Variants in PLGRKT observed in about 807,000 individuals in gnomAD.
PLGRKT encodes the protein plasminogen receptor (KT).
A neutral mutation model predicts 18.5 loss-of-function variants in PLGRKT; 22 were observed. That is an observed-to-expected ratio of 1.19 (90% CI 0.85 to 1.70). The LOEUF (loss-of-function observed/expected upper bound fraction) is 1.70, where lower values mean the gene tolerates loss of function less well. Among genes scored for constraint, PLGRKT ranks in the 40% most tolerant of loss-of-function variants. The probability of loss-of-function intolerance (pLI) is 0.00; values close to 1 mark genes in which losing one functional copy is unlikely to be tolerated. For synonymous variants in PLGRKT, 72 were observed against 52.8 expected (o/e 1.36, Z -1.58); for missense variants, 235 against 174.4 (o/e 1.35, Z -1.96).
At chr9:5,402,417 T>C (rs1226525949) in intron 3 of PLGRKT, among the ~76,000 whole-genome samples, 1 of 151,888 alleles carries the variant, frequency 6.6e-6, no homozygotes, top group Non-Finnish European at 1.5e-5. Context: ...CAGCAACAGA[T>C]GGAGCTATTG....
chr9:5,418,491 G>C lies in PLGRKT; in HGVS notation c.81+13406C>G. Reference sequence around the variant, plus strand: ...CAGTGCACACCCTCAACCACATGGAGCTTTTCACCATGCCCCGCCTGTCCT... The same window carrying C: ...CAGTGCACACCCTCAACCACATGGACCTTTTCACCATGCCCCGCCTGTCCT... On this transcript the variant is annotated intron_variant, in intron 3 of 5. Coordinates refer to ENST00000223864, the MANE Select transcript of PLGRKT (RefSeq NM_018465.4). The surrounding 1 kb of genome is among the most constrained non-coding windows in gnomAD (Gnocchi z 4.2). The C allele has an allele frequency of 9.0e-7, 1 of 1,111,894 alleles. No homozygotes were observed. The highest frequency in any genetic ancestry group is 1.4e-6 in the Non-Finnish European group (1 of 729,250). 68.9% of individuals were successfully genotyped at this position (1,111,894 alleles called of 1,614,324 possible). A position where few individuals can be genotyped will look rare whatever the true frequency, so the allele number is the denominator to read the frequency against.
upstream of PLGRKT, among the ~76,000 whole-genome samples, chr9:5,438,254 C>G (rs1465737537): frequency 2.0e-5 from 3 of 152,226 alleles, no homozygotes; most frequent in African/African-American, 7.2e-5. Context: ...CCCTGCTGCT[C>G]AGAGAGATGT....
At chr9:5,369,780 C>G (rs1285653874) in intron 3 of PLGRKT, among the ~76,000 whole-genome samples, 4 of 152,240 alleles carry the variant, frequency 2.6e-5, no homozygotes, top group African/African-American at 9.6e-5. Context: ...GAGTTCATGT[C>G]CTTTGCAGGG....
At chr9:5,400,965 T>G (rs529726358) in intron 3 of PLGRKT, among the ~76,000 whole-genome samples, 1 of 151,908 alleles carries the variant, frequency 6.6e-6, no homozygotes, top group Non-Finnish European at 1.5e-5. Flanking sequence ...GTTGGGAAAC[T>G]TTATCCTCAA....
At position 5,394,184 on chromosome 9, in the gene PLGRKT, C is replaced by T. The variant is rs375918930; in HGVS notation, c.82-32296G>A. ...TGATCTAGACTTTTTGATGTTGTGA[C>T]TAAGATTTATTTAATTCCTGGGAAA... On this transcript the variant is annotated intron_variant, in intron 3 of 5. Transcript: ENST00000223864. Among the ~76,000 whole-genome samples the T allele has an allele frequency of 1.6e-4, 24 of 151,818 alleles. 1 individual carries two copies. The South Asian group carries it at 4.8e-3, about 30-fold the overall frequency.
intron 3 of PLGRKT, among the ~76,000 whole-genome samples, chr9:5,398,056 C>G (rs679073): frequency 0.027 from 4,150 of 151,792 alleles, 295 homozygotes; most frequent in African/African-American, 0.096. Context: ...ACACTGAGGA[C>G]TAGAGCAGGT....
intron 3 of PLGRKT, among the ~76,000 whole-genome samples, chr9:5,368,088 T>C (rs1490276593): frequency 1.3e-5 from 2 of 152,094 alleles, no homozygotes; most frequent in Non-Finnish European, 2.9e-5. Flanking sequence ...AAATAACAGA[T>C]GCTGGCAAGG....
intron 3 of PLGRKT, among the ~76,000 whole-genome samples, chr9:5,424,076 T>C (rs1347163264): frequency 6.9e-6 from 1 of 144,124 alleles, no homozygotes; most frequent in Non-Finnish European, 1.5e-5. Context: ...CTAATATATA[T>C]GTATAATATA....
At chr9:5,414,843 G>C (rs540250109) in intron 3 of PLGRKT, among the ~76,000 whole-genome samples, 2 of 152,312 alleles carry the variant, frequency 1.3e-5, no homozygotes, top group Admixed American at 1.3e-4. Context: ...ATGAAGAAAG[G>C]GGAAGAGCTA....
Position 5,358,183 on chromosome 9 carries a change from A to C in PLGRKT, c.*56T>G, listed in dbSNP as rs970777407. Reference sequence around the variant, plus strand: ...TCTTGAGCATTTAAAAAACTGTAAAAACCATGATTCAAGTCAATAATTCTG... The same window carrying C: ...TCTTGAGCATTTAAAAAACTGTAAACACCATGATTCAAGTCAATAATTCTG... On this transcript the variant is annotated 3_prime_UTR_variant, in exon 6 of 6. Coordinates refer to ENST00000223864, the MANE Select transcript of PLGRKT (RefSeq NM_018465.4). 5 of 1,380,438 alleles carry C rather than the reference A, an allele frequency of 3.6e-6. No individual in the cohort carries two copies. Among genetic ancestry groups the C allele is most frequent in the East Asian group, 2.3e-5 (1 of 42,782 alleles). 85.5% of individuals were successfully genotyped at this position (1,380,438 alleles called of 1,614,324 possible). A position where few individuals can be genotyped will look rare whatever the true frequency, so the allele number is the denominator to read the frequency against.
At chr9:5,378,407 T>C (rs1168691900) in intron 3 of PLGRKT, among the ~76,000 whole-genome samples, 1 of 152,182 alleles carries the variant, frequency 6.6e-6, no homozygotes, top group Non-Finnish European at 1.5e-5. Context: ...CAACAGAAAC[T>C]GTGATAACAC....
chr9:5,437,605 G>T (rs1192566800), intron 1 of PLGRKT, 184 bp downstream of exon 1: 1 of 152,290 alleles, frequency 6.6e-6, no homozygotes, highest in Non-Finnish European at 1.5e-5. Context: ...ACAAGAACGC[G>T]CTCTAATGGA....
intron 3 of PLGRKT, among the ~76,000 whole-genome samples, chr9:5,431,626 T>G (rs925662259): frequency 6.6e-5 from 10 of 152,022 alleles, no homozygotes; most frequent in Admixed American, 5.2e-4. Flanking sequence ...AACATTATCT[T>G]TGGGGGTGGG....
intron 5 of PLGRKT, 36 bp from the exon 6 acceptor site, chr9:5,358,396 G>C: frequency 6.2e-7 from 1 of 1,604,622 alleles, no homozygotes; most frequent in Non-Finnish European, 8.5e-7. Context: ...AGGTGACAAA[G>C]GGGTCATCAG....
At chr9:5,359,211 G>A (rs936894872) in intron 5 of PLGRKT, among the ~76,000 whole-genome samples, 6 of 151,852 alleles carry the variant, frequency 4.0e-5, no homozygotes, top group African/African-American at 1.2e-4. Context: ...TACAGGTGGT[G>A]TACACCGGCT....
At position 5,371,986 on chromosome 9, in the gene PLGRKT, C is replaced by CTTTTTTTTTTTTTTTTTTTTTTTTTTTT. The variant is rs71326158; in HGVS notation, c.82-10099_82-10098insAAAAAAAAAAAAAAAAAAAAAAAAAAAA. Reference sequence around the variant, plus strand: ...CTGCAAAAAACAATATCAGAAAATCCTTTTTTTTTTTTTGATATGGAGTCT... The same window carrying CTTTTTTTTTTTTTTTTTTTTTTTTTTTT: ...CTGCAAAAAACAATATCAGAAAATCCTTTTTTTTTTTTTTTTTTTTTTTTTTTTTTTTTTTTTTTTTGATATGGAGTCT... On this transcript the variant is annotated intron_variant, in intron 3 of 5. Transcript: ENST00000223864. 1.2e-3 allele frequency among the ~76,000 whole-genome samples: 106 copies of CTTTTTTTTTTTTTTTTTTTTTTTTTTTT among 89,100 alleles called. 19 individuals carry two copies. The highest frequency in any genetic ancestry group is 1.5e-3 in the Non-Finnish European group (71 of 48,558). The allele number at this position is 89,100 out of a possible 152,430, so 58.5% of individuals were successfully genotyped here. A position where few individuals can be genotyped will look rare whatever the true frequency, so the allele number is the denominator to read the frequency against.
chr9:5,402,645 G>T (rs1487210851), intron 3 of PLGRKT, among the ~76,000 whole-genome samples: 1 of 151,952 alleles, frequency 6.6e-6, no homozygotes, highest in Non-Finnish European at 1.5e-5. Context: ...GCAGGGTATG[G>T]AGGAGCCAGG....
intron 3 of PLGRKT, among the ~76,000 whole-genome samples, chr9:5,400,076 T>C (rs1818127877): frequency 6.6e-6 from 1 of 151,922 alleles, no homozygotes; most frequent in Non-Finnish European, 1.5e-5. Flanking sequence ...TTGTTATATG[T>C]GCAAAAAAAA....
intron 3 of PLGRKT, among the ~76,000 whole-genome samples, chr9:5,372,562 A>G (rs370027351): frequency 6.6e-6 from 1 of 152,236 alleles, no homozygotes; most frequent in South Asian, 2.1e-4. Context: ...ATGTTCAGCC[A>G]GAACGTGGGA....
Sources: allele counts gnomAD v4.1 joint callset (sites outside exome capture counted in the v4.1 genomes callset), GRCh38; gene constraint gnomAD v4.1.1; non-coding constraint Gnocchi (gnomAD v3.1); transcripts MANE v1.5; gene names NCBI Gene and HGNC (gene_info 2026-07-23, HGNC 2026-07-21).